Variants in MRGPRX3 observed in about 807,000 individuals in gnomAD.
MRGPRX3 encodes the protein MAS related GPR family member X3.
A neutral mutation model predicts 16.5 loss-of-function variants in MRGPRX3; 14 were observed. The observed-to-expected ratio is 0.85, with a 90% CI of 0.56 to 1.33. The LOEUF (loss-of-function observed/expected upper bound fraction) is 1.33, where lower values mean the gene tolerates loss of function less well. Among genes scored for constraint, MRGPRX3 ranks in the 40% most tolerant of loss-of-function variants. The pLI is 0.00. For missense variants in MRGPRX3, 449 were observed against 413.0 expected (o/e 1.09, Z -0.76); for synonymous variants, 199 against 180.1 (o/e 1.10, Z -0.84).
intron 1 of MRGPRX3, among the ~76,000 whole-genome samples, chr11:18,134,632 G>A (rs1307575836): frequency 6.6e-6 from 1 of 152,170 alleles, no homozygotes; most frequent in Admixed American, 6.5e-5. Flanking sequence ...TGAACTAGAA[G>A]CTCCAAAGCA....
chr11:18,136,164 A>T (rs781432351), intron 1 of MRGPRX3, among the ~76,000 whole-genome samples: 9 of 152,238 alleles, frequency 5.9e-5, no homozygotes, highest in Non-Finnish European at 1.3e-4. Context: ...AGAATGAAAT[A>T]GGTTTACATT....
At position 18,137,340 on chromosome 11, in the gene MRGPRX3, G is replaced by A. The variant is rs369629735; in HGVS notation, c.138G>A (p.Ala46=). 262 of 1,614,172 alleles carry A rather than the reference G, an allele frequency of 1.6e-4. No homozygotes were observed. The highest frequency in any genetic ancestry group is 2.2e-4 in the Non-Finnish European group (257 of 1,180,032). ...IVSLVALTGN[A]VVLWLLGCRM... is the part of the protein sequence containing the mutation. ...CCCTTGTCGCGCTGACAGGAAACGC[G>A]GTTGTGCTCTGGCTCCTGGGCTGCC... Residue 46 remains alanine, a synonymous_variant, in exon 2 of 2, where the codon GCG becomes GCA. Transcript: ENST00000621697.
intron 1 of MRGPRX3, among the ~76,000 whole-genome samples, chr11:18,121,910 A>T (rs1440360095): frequency 6.6e-6 from 1 of 151,738 alleles, no homozygotes; most frequent in African/African-American, 2.4e-5. Flanking sequence ...ACCTTTGTTC[A>T]CTTGTTTATC....
Position 18,137,268 on chromosome 11 carries a change from T to C in MRGPRX3, c.66T>C (p.Pro22=). The change falls in exon 2 of 2, where the codon CCT becomes CCC. Residue 22 remains proline (P), a synonymous_variant. Coordinates refer to ENST00000621697, the MANE Select transcript of MRGPRX3 (RefSeq NM_001370464.1). ...LTPINGREET[P]CYKQTLSFTG... Reference sequence around the variant, plus strand: ...CAATCAACGGACGTGAGGAGACTCCTTGCTACAAGCAGACCCTGAGCTTCA... The same window carrying C: ...CAATCAACGGACGTGAGGAGACTCCCTGCTACAAGCAGACCCTGAGCTTCA... 6.2e-7 allele frequency: 1 copy of C among 1,614,050 alleles called. No individual in the cohort carries two copies. The highest frequency in any genetic ancestry group is 1.3e-5 in the African/African-American group (1 of 75,004).
upstream of MRGPRX3, among the ~76,000 whole-genome samples, chr11:18,127,809 C>G (rs768592448): frequency 3.9e-5 from 6 of 152,162 alleles, no homozygotes; most frequent in South Asian, 2.1e-4. Context: ...TTTCATTGCT[C>G]GTGAGGAGCT....
At chr11:18,136,268 T>C (rs1178817347) in intron 1 of MRGPRX3, among the ~76,000 whole-genome samples, 1 of 152,190 alleles carries the variant, frequency 6.6e-6, no homozygotes, top group East Asian at 1.9e-4. Flanking sequence ...CCTCACTTAC[T>C]CTTTCCTCTG....
In MRGPRX3 at chr11:18,138,123, G is replaced by C. The variant is rs139085962; in HGVS notation, c.921G>C (p.Trp307Cys). The change falls in exon 2 of 2, where the codon TGG becomes TGC. Residue 307 changes from tryptophan to cysteine, a missense_variant. By Grantham distance (215) the Trp-to-Cys change is radical (BLOSUM62 -2). Coordinates refer to ENST00000621697, the MANE Select transcript of MRGPRX3 (RefSeq NM_001370464.1). ...DTPEVDEGGG[W>C]LPQETLELSG... is the part of the protein sequence containing the mutation. ...CTGAGGTGGATGAAGGTGGAGGGTG[G>C]CTTCCTCAGGAAACCCTGGAGCTGT... The C allele has an allele frequency of 6.8e-6, 11 of 1,613,790 alleles. No homozygotes were observed. The highest frequency in any genetic ancestry group is 2.7e-5 in the African/African-American group (2 of 74,906).
chr11:18,128,230 C>T (rs980863309), upstream of MRGPRX3, among the ~76,000 whole-genome samples: 3 of 152,238 alleles, frequency 2.0e-5, no homozygotes, highest in Non-Finnish European at 2.9e-5. Context: ...GGGTCAGGGA[C>T]TCACTTGAGG....
intron 1 of MRGPRX3, among the ~76,000 whole-genome samples, chr11:18,121,653 A>T (rs375738124): frequency 6.6e-6 from 1 of 152,152 alleles, no homozygotes; most frequent in East Asian, 1.9e-4. Context: ...TGTTCTGTAC[A>T]AAGAAAGATT....
At position 18,134,164 on chromosome 11, in the gene MRGPRX3, A is replaced by G. The variant is rs116334214; in HGVS notation, c.-26+1425A>G. Among the ~76,000 whole-genome samples, 1,270 of 152,358 alleles carry G rather than the reference A, an allele frequency of 8.3e-3. 21 individuals carry two copies. The highest frequency in any genetic ancestry group is 0.028 in the African/African-American group (1,176 of 41,580). Reference sequence around the variant, plus strand: ...ATGTTTGCATTTGTTAAAAATGCATAGAAAATAAAATGTAATTTTAAAAAG... The same window carrying G: ...ATGTTTGCATTTGTTAAAAATGCATGGAAAATAAAATGTAATTTTAAAAAG... On this transcript the variant is annotated intron_variant, in intron 1 of 1. Coordinates refer to ENST00000621697, the MANE Select transcript of MRGPRX3 (RefSeq NM_001370464.1).
chr11:18,138,349 A>T lies in MRGPRX3; in HGVS notation c.*178A>T. ...GCAGTTTTCACCCATGGAAAGCATT[A>T]GTCTGACAGTACAATGTTTGGATTC... On this transcript the variant is annotated 3_prime_UTR_variant, in exon 2 of 2. Coordinates refer to ENST00000621697, the MANE Select transcript of MRGPRX3 (RefSeq NM_001370464.1). The T allele has an allele frequency of 2.3e-6, 2 of 886,826 alleles. No homozygotes were observed. Among genetic ancestry groups the T allele is most frequent in the Non-Finnish European group, 1.7e-6 (1 of 593,842 alleles). The allele number at this position is 886,826 out of a possible 1,614,324, so 54.9% of individuals were successfully genotyped here. A position where few individuals can be genotyped will look rare whatever the true frequency, so the allele number is the denominator to read the frequency against.
upstream of MRGPRX3, among the ~76,000 whole-genome samples, chr11:18,128,630 C>T (rs3958114): frequency 0.12 from 17,575 of 152,198 alleles, 1,452 homozygotes; most frequent in African/African-American, 0.23. Flanking sequence ...GTTGGGAAAG[C>T]GCAGTATTAG....
chr11:18,130,169 T>C (rs756065794), upstream of MRGPRX3, among the ~76,000 whole-genome samples: 5 of 152,054 alleles, frequency 3.3e-5, no homozygotes, highest in African/African-American at 9.7e-5. Flanking sequence ...GTAGTGGAAG[T>C]TTTAGCCAGA....
Position 18,137,474 on chromosome 11 carries a change from G to A in MRGPRX3, c.272G>A (p.Arg91His), listed in dbSNP as rs901085603. 2.2e-5 allele frequency: 35 copies of A among 1,613,814 alleles called. No homozygotes were observed. Among genetic ancestry groups the A allele is most frequent in the African/African-American group, 1.9e-4 (14 of 74,826 alleles). Reference protein sequence around the residue: ...ICSPLRLINIRHPISKILSPV... With the variant: ...ICSPLRLINIHHPISKILSPV... Reference sequence around the variant, plus strand: ...TCGCCGTTACGCCTCATCAATATCCGCCATCCCATCTCCAAAATCCTCAGT... The same window carrying A: ...TCGCCGTTACGCCTCATCAATATCCACCATCCCATCTCCAAAATCCTCAGT... The change falls in exon 2 of 2, where the codon CGC becomes CAC. Residue 91 changes from arginine (R) to histidine (H), a missense_variant. By Grantham distance (29) the Arg-to-His change is conservative (BLOSUM62 0). Coordinates refer to ENST00000621697, the MANE Select transcript of MRGPRX3 (RefSeq NM_001370464.1).
chr11:18,129,202 C>T (rs1379613073), upstream of MRGPRX3, among the ~76,000 whole-genome samples: 2 of 152,098 alleles, frequency 1.3e-5, no homozygotes, highest in Non-Finnish European at 1.5e-5. Flanking sequence ...CAGAGCAGAA[C>T]TAATTGAAAC....
upstream of MRGPRX3, among the ~76,000 whole-genome samples, chr11:18,128,770 G>C (rs944113860): frequency 6.6e-6 from 1 of 152,296 alleles, no homozygotes; most frequent in African/African-American, 2.4e-5. Context: ...CACTTGGTGC[G>C]CTGCACCCAC....
At chr11:18,123,544 T>C (rs1052748332) in intron 1 of MRGPRX3, among the ~76,000 whole-genome samples, 1 of 152,234 alleles carries the variant, frequency 6.6e-6, no homozygotes, top group African/African-American at 2.4e-5. Context: ...TCCATTGGTC[T>C]ATATCTCTGT....
chr11:18,138,093 C>G lies in MRGPRX3; in HGVS notation c.891C>G (p.Asp297Glu), dbSNP rs1327851764. The part of the protein sequence containing the change: ...LKLVLQRALQ[D>E]TPEVDEGGGW... ...TGGTTCTCCAGAGGGCTCTGCAGGA[C>G]ACGCCTGAGGTGGATGAAGGTGGAG... Residue 297 changes from aspartate to glutamate, a missense_variant, in exon 2 of 2, where the codon GAC becomes GAG. Physicochemically the swap from Asp to Glu is conservative, Grantham distance 45. Coordinates refer to ENST00000621697, the MANE Select transcript of MRGPRX3 (RefSeq NM_001370464.1). The G allele has an allele frequency of 1.9e-6, 3 of 1,614,184 alleles. No homozygotes were observed. The Admixed American group carries it at 5.0e-5, about 27-fold the overall frequency.
At chr11:18,125,065 T>C (rs1848878801) in intron 1 of MRGPRX3, among the ~76,000 whole-genome samples, 1 of 128,402 alleles carries the variant, frequency 7.8e-6, no homozygotes, top group Non-Finnish European at 1.7e-5. Context: ...TGCATCTATT[T>C]GATTCTTCTC....
Sources: gnomAD v4.1 joint callset for allele counts (sites outside exome capture counted in the v4.1 genomes callset) on GRCh38, gnomAD v4.1.1 for gene constraint, MANE v1.5 for transcripts, NCBI Gene and HGNC (gene_info 2026-07-23, HGNC 2026-07-21) for gene names.